Variants in FGD5 observed in about 807,000 individuals in gnomAD.
FGD5 encodes the protein FYVE, RhoGEF and PH domain-containing protein 5.
Under a neutral mutation model 133.4 loss-of-function variants are expected in FGD5, and 28 were observed. That is an observed-to-expected ratio of 0.21 (90% CI 0.16 to 0.29). The LOEUF (loss-of-function observed/expected upper bound fraction) is 0.29. Among genes scored for constraint, FGD5 ranks in the 10% least tolerant of loss-of-function variants. The pLI, the probability that FGD5 is intolerant of heterozygous loss-of-function variation, is 1.00. For missense variants in FGD5, 1,858 were observed against 1,895.2 expected, an observed-to-expected ratio of 0.98 and a Z score of 0.36; for synonymous variants, 810 against 776.5, an observed-to-expected ratio of 1.04 and a Z score of -0.72.
At position 14,820,748 on chromosome 3, in the gene FGD5, A is replaced by G; in HGVS notation, c.1677A>G (p.Pro559=). The G allele has an allele frequency of 1.2e-6, 2 of 1,610,138 alleles. No individual in the cohort carries two copies. Among genetic ancestry groups the G allele is most frequent in the Non-Finnish European group, 1.7e-6 (2 of 1,178,624 alleles). The change falls in exon 1 of 20, where the codon CCA becomes CCG. Residue 559 remains proline, a synonymous_variant. Coordinates refer to ENST00000285046, the MANE Select transcript of FGD5 (RefSeq NM_152536.4). Reference sequence around the variant, plus strand: ...TCTCCGTGGAAGGCCGAGAGATTCCAGTGTCCGTGTACCAGGAGCCTGAGG... The same window carrying G: ...TCTCCGTGGAAGGCCGAGAGATTCCGGTGTCCGTGTACCAGGAGCCTGAGG... The part of the protein sequence containing the change: ...RSFSVEGREI[P]VSVYQEPEGS...
intron 2 of FGD5, among the ~76,000 whole-genome samples, chr3:14,880,268 C>T (rs1489578699): frequency 2.6e-5 from 4 of 152,098 alleles, no homozygotes; most frequent in South Asian, 2.1e-4. Context: ...GTAGGAGGAT[C>T]GCTTGAGCCT....
chr3:14,871,103 A>G (rs955013440), intron 2 of FGD5, among the ~76,000 whole-genome samples: 1 of 151,656 alleles, frequency 6.6e-6, no homozygotes, highest in African/African-American at 2.4e-5. Context: ...TTTGAATGTC[A>G]CCTCCTCAGA....
intron 4 of FGD5, among the ~76,000 whole-genome samples, chr3:14,893,929 TG>T (rs772674581): frequency 1.6e-4 from 24 of 151,978 alleles, no homozygotes; most frequent in African/African-American, 2.4e-4. Context: ...GGCTAATTTT[TG>T]TATTTTTAGT....
At chr3:14,925,464 G>A (rs768883313) in intron 17 of FGD5, among the ~76,000 whole-genome samples, 1 of 152,154 alleles carries the variant, frequency 6.6e-6, no homozygotes, top group African/African-American at 2.4e-5. Flanking sequence ...GAAGAAGTCA[G>A]CAAATTGCTC....
intron 1 of FGD5, among the ~76,000 whole-genome samples, chr3:14,857,514 C>T (rs546817380): frequency 6.6e-6 from 1 of 152,214 alleles, no homozygotes; most frequent in South Asian, 2.1e-4. Context: ...ACTTAACATA[C>T]AGCAAAGTTT....
intron 16 of FGD5, 103 bp downstream of exon 16, chr3:14,923,278 C>G: frequency 4.1e-6 from 6 of 1,458,714 alleles, no homozygotes; most frequent in Non-Finnish European, 5.5e-6. Context: ...AACCGCTTTC[C>G]CTGGAGGGAG....
intron 1 of FGD5, among the ~76,000 whole-genome samples, chr3:14,850,833 G>A (rs560186857): frequency 6.6e-6 from 1 of 152,006 alleles, no homozygotes; most frequent in African/African-American, 2.4e-5. Context: ...AAGTGCAGGG[G>A]AGGGTGGGAA....
At chr3:14,898,183 TGGTA>T in intron 6 of FGD5, 88 bp downstream of exon 6, 8 of 1,533,300 alleles carry the variant, frequency 5.2e-6, no homozygotes, top group Non-Finnish European at 6.3e-6. Context: ...TGGGACATCT[TGGTA>T]GGTGTGGGGC....
intron 1 of FGD5, among the ~76,000 whole-genome samples, chr3:14,832,322 G>A (rs1445528630): frequency 6.6e-6 from 1 of 152,176 alleles, no homozygotes; most frequent in Non-Finnish European, 1.5e-5. Flanking sequence ...CCGTTTGTAT[G>A]TGTTAACTCA....
rs771265320 is a variant in FGD5 at position 14,923,992 on chromosome 3, CT to C, written c.3938-14del. On this transcript the variant is annotated splice_polypyrimidine_tract_variant and intron_variant, in intron 16 of 19. Coordinates refer to ENST00000285046, the MANE Select transcript of FGD5 (RefSeq NM_152536.4). ...CGCCTCTCACCTCCCTTCCATGTGGCTTCTTTCAGTTACAGAGCGGCCTGTG... is the reference window on the plus strand; with the variant it reads ...CGCCTCTCACCTCCCTTCCATGTGGCTCTTTCAGTTACAGAGCGGCCTGTG... 1.9e-6 allele frequency: 3 copies of C among 1,613,704 alleles called. No homozygotes were observed. Among genetic ancestry groups the C allele is most frequent in the African/African-American group, 2.7e-5 (2 of 74,908 alleles).
At chr3:14,834,919 A>G (rs2036786079) in intron 1 of FGD5, among the ~76,000 whole-genome samples, 1 of 152,368 alleles carries the variant, frequency 6.6e-6, no homozygotes, top group African/African-American at 2.4e-5. Flanking sequence ...GCGATCTGCC[A>G]CTGCATTATA....
At chr3:14,849,999 T>A (rs961806861) in intron 1 of FGD5, among the ~76,000 whole-genome samples, 2 of 152,178 alleles carry the variant, frequency 1.3e-5, no homozygotes, top group African/African-American at 2.4e-5. Flanking sequence ...GCCCCTCTCA[T>A]AGCTCCTGGC....
chr3:14,923,208 G>C (rs1486126139), intron 16 of FGD5, 33 bp downstream of exon 16: 1 of 1,594,030 alleles, frequency 6.3e-7, no homozygotes, highest in Non-Finnish European at 8.5e-7. Flanking sequence ...TCTTCCAAGT[G>C]GCCTGGTGGC....
chr3:14,849,760 A>G (rs536823842), intron 1 of FGD5, among the ~76,000 whole-genome samples: 1 of 152,190 alleles, frequency 6.6e-6, no homozygotes, highest in East Asian at 1.9e-4. Context: ...GCCTCTGTGC[A>G]CCTGTTTCTC....
intron 1 of FGD5, among the ~76,000 whole-genome samples, chr3:14,848,699 G>A (rs1190321200): frequency 6.6e-6 from 1 of 152,080 alleles, no homozygotes; most frequent in African/African-American, 2.4e-5. Context: ...TTAACTTATT[G>A]AACCTTGAAA....
At chr3:14,830,509 A>C (rs1434013542) in intron 1 of FGD5, among the ~76,000 whole-genome samples, 1 of 152,242 alleles carries the variant, frequency 6.6e-6, no homozygotes, top group Non-Finnish European at 1.5e-5. Flanking sequence ...ATCCTGATTA[A>C]GTGTTAATCA....
At chr3:14,877,346 G>A (rs1490164274) in intron 2 of FGD5, among the ~76,000 whole-genome samples, 5 of 152,214 alleles carry the variant, frequency 3.3e-5, no homozygotes, top group African/African-American at 9.6e-5. Flanking sequence ...GAATCTGCAC[G>A]TCTGGCAGGA....
chr3:14,817,809 A>G (rs768028668), upstream of FGD5, among the ~76,000 whole-genome samples: 2 of 152,290 alleles, frequency 1.3e-5, no homozygotes, highest in South Asian at 4.1e-4. Context: ...GTCCTAATCT[A>G]TGGGTGGCAG....
At chr3:14,824,905 G>T (rs767537116) in intron 1 of FGD5, among the ~76,000 whole-genome samples, 1 of 152,228 alleles carries the variant, frequency 6.6e-6, no homozygotes, top group Non-Finnish European at 1.5e-5. Context: ...GGAGCTGGAA[G>T]CCTGATCTCT....
Sources: allele counts gnomAD v4.1 joint callset (sites outside exome capture counted in the v4.1 genomes callset), GRCh38; gene constraint gnomAD v4.1.1; transcripts MANE v1.5; gene names NCBI Gene and HGNC (gene_info 2026-07-23, HGNC 2026-07-21).